SMAD6: variants seen among roughly 807,000 people sequenced by gnomAD.
The protein encoded by SMAD6 is MAD homolog 6.
Under a neutral mutation model 39.4 loss-of-function variants are expected in SMAD6, and 103 were observed. The observed-to-expected ratio is 2.62, with a 90% CI of 2.23 to 3.08. The LOEUF (loss-of-function observed/expected upper bound fraction) is 3.08, where lower values mean the gene tolerates loss of function less well. Among genes scored for constraint, SMAD6 ranks in the 30% most tolerant of loss-of-function variants. The pLI is 0.00. For synonymous variants in SMAD6, 445 were observed against 353.3 expected, an observed-to-expected ratio of 1.26 and a Z score of -2.91; for missense variants, 1,104 against 742.9, an observed-to-expected ratio of 1.49 and a Z score of -5.65.
chr15:66,777,614 C>G (rs1894489180), intron 3 of SMAD6, among the ~76,000 whole-genome samples: 1 of 152,198 alleles, frequency 6.6e-6, no homozygotes, highest in African/African-American at 2.4e-5. Flanking sequence ...AGACCCACCC[C>G]TCCCCTTACC....
chr15:66,778,571 C>T (rs1894506240), intron 3 of SMAD6, among the ~76,000 whole-genome samples: 1 of 152,176 alleles, frequency 6.6e-6, no homozygotes, highest in Non-Finnish European at 1.5e-5. Context: ...GGGATAGTGA[C>T]ACCTCAGCTT....
chr15:66,755,460 T>C (rs910990870), intron 3 of SMAD6, among the ~76,000 whole-genome samples: 8 of 152,236 alleles, frequency 5.3e-5, no homozygotes, highest in Non-Finnish European at 1.5e-5. Flanking sequence ...TGATTCCTTC[T>C]GCTCAAGTTT....
At chr15:66,744,461 G>A (rs1893873171) in intron 3 of SMAD6, among the ~76,000 whole-genome samples, 1 of 152,230 alleles carries the variant, frequency 6.6e-6, no homozygotes, top group African/African-American at 2.4e-5. Flanking sequence ...AGTCCAGGCT[G>A]AGGGTGGGGC....
chr15:66,744,400 A>G (rs1405330535), intron 3 of SMAD6, among the ~76,000 whole-genome samples: 1 of 152,200 alleles, frequency 6.6e-6, no homozygotes, highest in Non-Finnish European at 1.5e-5. Context: ...AAGGGGGAAG[A>G]TAACACGTGT....
chr15:66,759,604 C>A (rs764199557), intron 3 of SMAD6, among the ~76,000 whole-genome samples: 1 of 152,172 alleles, frequency 6.6e-6, no homozygotes, highest in Non-Finnish European at 1.5e-5. Context: ...AGATGCTCAT[C>A]CCACCGTGCT....
At chr15:66,744,579 A>G (rs1893875386) in intron 3 of SMAD6, among the ~76,000 whole-genome samples, 1 of 152,220 alleles carries the variant, frequency 6.6e-6, no homozygotes, top group Admixed American at 6.5e-5. Flanking sequence ...GCAGTGTGTT[A>G]CCCACAGAAG....
intron 3 of SMAD6, among the ~76,000 whole-genome samples, chr15:66,727,991 T>C (rs1893553190): frequency 6.6e-6 from 1 of 152,092 alleles, no homozygotes; most frequent in Admixed American, 6.5e-5. Flanking sequence ...GTAGCTGGGA[T>C]TACAGGCATG....
At chr15:66,769,204 G>A (rs747617103) in intron 3 of SMAD6, among the ~76,000 whole-genome samples, 5 of 152,184 alleles carry the variant, frequency 3.3e-5, no homozygotes, top group Middle Eastern at 3.2e-3. Flanking sequence ...GGCCGACTCC[G>A]CGGGTGTTGG....
At chr15:66,723,400 T>C (rs1658230950) in intron 3 of SMAD6, among the ~76,000 whole-genome samples, 1 of 152,184 alleles carries the variant, frequency 6.6e-6, no homozygotes, top group South Asian at 2.1e-4. Context: ...ATTCAGAACT[T>C]ACTGCAGCTG....
intron 3 of SMAD6, among the ~76,000 whole-genome samples, chr15:66,728,278 C>G (rs1330032476): frequency 6.6e-6 from 1 of 152,246 alleles, no homozygotes; most frequent in African/African-American, 2.4e-5. Context: ...TCTATCCTGA[C>G]TTCTAACCCC....
Position 66,781,975 on chromosome 15 carries a change from G to C in SMAD6, c.*440G>C, listed in dbSNP as rs1270954218. ...CTAATACCAGTCACTCGATAATAAA[G>C]TATTCGCATTATAGTTTTTTTTAAA... On this transcript the variant is annotated 3_prime_UTR_variant, in exon 4 of 4. Transcript: ENST00000288840. 2 of 398,744 alleles carry C rather than the reference G, an allele frequency of 5.0e-6. No individual in the cohort carries two copies. The highest frequency in any genetic ancestry group is 8.8e-6 in the Non-Finnish European group (2 of 226,048). 24.7% of individuals were successfully genotyped at this position (398,744 alleles called of 1,614,324 possible). A position where few individuals can be genotyped will look rare whatever the true frequency, so the allele number is the denominator to read the frequency against.
chr15:66,703,993 C>A lies in SMAD6; in HGVS notation c.735C>A (p.Cys245Ter). The A allele has an allele frequency of 6.7e-7, 1 of 1,484,994 alleles. No homozygotes were observed. Among genetic ancestry groups the A allele is most frequent in the South Asian group, 1.3e-5 (1 of 79,110 alleles). The allele number at this position is 1,484,994 out of a possible 1,614,324, so 92.0% of individuals were successfully genotyped here. ...ACGCCGTGGAGCTGAAGCCCCTGTG[C>A]GGCTGCCACAGCTTCGCCGCCGCCG... is the stretch of plus-strand genomic sequence containing the variant. ...LQHAVELKPL[C>*]GCHSFAAAAD... Residue 245 changes from cysteine (C) to a stop codon, truncating the protein, a stop_gained, in exon 1 of 4, where the codon TGC (cysteine) becomes TGA (stop). Transcript: ENST00000288840. LOFTEE classifies it high-confidence loss of function.
intron 3 of SMAD6, among the ~76,000 whole-genome samples, chr15:66,757,159 T>C (rs1486405874): frequency 1.3e-5 from 2 of 152,238 alleles, no homozygotes; most frequent in Non-Finnish European, 2.9e-5. Flanking sequence ...AAGGATCTAA[T>C]AGAGCGGGCT....
At position 66,717,395 on chromosome 15, in the gene SMAD6, C is replaced by T. The variant is rs777920360; in HGVS notation, c.952+897C>T. The stretch of plus-strand genomic sequence containing the variant: ...TTTATTGAGTGTATGCTATGGCCGG[C>T]ACTCCACTTGGCCGCTTTATATGCA... On this transcript the variant is annotated intron_variant, in intron 3 of 3. Transcript: ENST00000288840. The T allele has an allele frequency of 9.2e-5, 42 of 456,076 alleles. 1 individual carries two copies. The highest frequency in any genetic ancestry group is 4.3e-4 in the South Asian group (28 of 64,574). 28.3% of individuals were successfully genotyped at this position (456,076 alleles called of 1,614,324 possible). A position where few individuals can be genotyped will look rare whatever the true frequency, so the allele number is the denominator to read the frequency against.
chr15:66,752,819 C>T (rs1894030726), intron 3 of SMAD6, among the ~76,000 whole-genome samples: 1 of 151,444 alleles, frequency 6.6e-6, no homozygotes, highest in African/African-American at 2.4e-5. Flanking sequence ...TAAAAAAATA[C>T]AGAAAGCTTT....
rs938974070 is a variant in SMAD6, at chr15:66,780,979, C to A, written c.953-18C>A. 3 of 1,543,828 alleles carry A rather than the reference C, an allele frequency of 1.9e-6. No homozygotes were observed. On this transcript the variant is annotated intron_variant, in intron 3 of 3. Coordinates refer to ENST00000288840, the MANE Select transcript of SMAD6 (RefSeq NM_005585.5). ...CCCCACCCAGAATAACGCGGCGGTCCCTGTGCTTGTCCCGCAGACGCCAGC... is the reference window on the plus strand; with the variant it reads ...CCCCACCCAGAATAACGCGGCGGTCACTGTGCTTGTCCCGCAGACGCCAGC...
At position 66,781,298 on chromosome 15, in the gene SMAD6, C is replaced by T. The variant is rs1276904167; in HGVS notation, c.1254C>T (p.Asp418=). ...TCTTCGTCAACTCCCCGACGCTGGA[C>T]GCGCCCGGCGGCCGCGCCCTGGTCG... is the stretch of plus-strand genomic sequence containing the variant. The part of the protein sequence containing the change: ...HPIFVNSPTL[D]APGGRALVVR... The change falls in exon 4 of 4, where the codon GAC becomes GAT. Residue 418 remains aspartate, a synonymous_variant. Coordinates refer to ENST00000288840, the MANE Select transcript of SMAD6 (RefSeq NM_005585.5). 6.2e-6 allele frequency: 10 copies of T among 1,603,216 alleles called. No individual in the cohort carries two copies. The highest frequency in any genetic ancestry group is 3.3e-5 in the Admixed American group (2 of 59,812).
intron 3 of SMAD6, among the ~76,000 whole-genome samples, chr15:66,780,758 C>T (rs1894544066): frequency 6.6e-6 from 1 of 152,220 alleles, no homozygotes; most frequent in Non-Finnish European, 1.5e-5. Flanking sequence ...CTCTGGCTTG[C>T]ACTCTGTGGC....
chr15:66,763,422 G>A (rs939219267), intron 3 of SMAD6, among the ~76,000 whole-genome samples: 2 of 152,198 alleles, frequency 1.3e-5, no homozygotes, highest in African/African-American at 4.8e-5. Context: ...GCCGGAACCT[G>A]CCATTCTCTC....
Sources: gnomAD v4.1 joint callset for allele counts (sites outside exome capture counted in the v4.1 genomes callset) on GRCh38, gnomAD v4.1.1 for gene constraint, MANE v1.5 for transcripts, NCBI Gene and HGNC (gene_info 2026-07-23, HGNC 2026-07-21) for gene names.